The following CNTN4 variants were observed in gnomAD, a reference collection of about 807,000 sequenced individuals.
CNTN4 encodes contactin 4.
In CNTN4, 77 loss-of-function variants were observed where a neutral mutation model predicts 122.5. The ratio of observed to expected loss-of-function variants is 0.63; its 90% CI spans 0.52 to 0.76. The LOEUF is 0.76. Ranked by LOEUF, CNTN4 falls within the 30% of genes least tolerant of loss-of-function variation. The pLI, the probability that CNTN4 is intolerant of heterozygous loss-of-function variation, is 0.00. For synonymous variants in CNTN4, 512 were observed against 447.0 expected, an observed-to-expected ratio of 1.15 and a Z score of -1.83; for missense variants, 1,256 against 1,259.1, an observed-to-expected ratio of 1.00 and a Z score of 0.04.
At chr3:2,778,253 TA>T (rs1049039662) in intron 6 of CNTN4, among the ~76,000 whole-genome samples, 53 of 149,714 alleles carry the variant, frequency 3.5e-4, no homozygotes, top group Non-Finnish European at 6.7e-4. Context: ...AATAAATAAA[TA>T]AAATAAAGAA....
intron 2 of CNTN4, among the ~76,000 whole-genome samples, chr3:2,137,496 G>A (rs80215517): frequency 0.2 from 30,123 of 151,958 alleles, 3,665 homozygotes; most frequent in Admixed American, 0.31. Flanking sequence ...TAATTTGGGG[G>A]TGGGGGGATT....
At chr3:2,880,342 G>A (rs953817050) in intron 8 of CNTN4, among the ~76,000 whole-genome samples, 4 of 152,156 alleles carry the variant, frequency 2.6e-5, no homozygotes, top group South Asian at 2.1e-4. Context: ...CTGGGAAGAC[G>A]AAAGACCTCC....
intron 2 of CNTN4, among the ~76,000 whole-genome samples, chr3:2,177,990 C>T (rs2036832187): frequency 6.6e-6 from 1 of 151,852 alleles, no homozygotes; most frequent in South Asian, 2.1e-4. Flanking sequence ...ATTCCATATT[C>T]CTAAATTTGA....
chr3:3,028,569 A>T (rs930716200), intron 15 of CNTN4, among the ~76,000 whole-genome samples: 1 of 152,174 alleles, frequency 6.6e-6, no homozygotes, highest in Non-Finnish European at 1.5e-5. Context: ...TAAGCCCTTC[A>T]TGAATAAAGT....
At chr3:3,002,191 T>G (rs187458638) in intron 14 of CNTN4, among the ~76,000 whole-genome samples, 1 of 152,338 alleles carries the variant, frequency 6.6e-6, no homozygotes, top group East Asian at 1.9e-4. Flanking sequence ...ATGAATATTT[T>G]TAATTGATTC....
intron 6 of CNTN4, among the ~76,000 whole-genome samples, chr3:2,794,143 A>T (rs2092096815): frequency 6.6e-6 from 1 of 152,200 alleles, no homozygotes; most frequent in Non-Finnish European, 1.5e-5. Flanking sequence ...AAATAATGAA[A>T]ACCATGTGCC....
intron 13 of CNTN4, among the ~76,000 whole-genome samples, chr3:2,941,635 C>A (rs1021331549): frequency 1.3e-5 from 2 of 152,162 alleles, no homozygotes; most frequent in African/African-American, 2.4e-5. Flanking sequence ...GCCCAACCAC[C>A]CTCATTTCTT....
intron 14 of CNTN4, among the ~76,000 whole-genome samples, chr3:2,989,686 T>C (rs898343023): frequency 6.6e-6 from 1 of 152,232 alleles, no homozygotes; most frequent in Non-Finnish European, 1.5e-5. Flanking sequence ...TATTAATTAC[T>C]TCCTCAGAGC....
chr3:2,762,677 T>G (rs930848788), intron 6 of CNTN4, among the ~76,000 whole-genome samples: 1 of 152,168 alleles, frequency 6.6e-6, no homozygotes, highest in Non-Finnish European at 1.5e-5. Context: ...TTTATATTCC[T>G]TTGGGTATAT....
chr3:2,632,649 C>T (rs980668068), intron 4 of CNTN4, among the ~76,000 whole-genome samples: 3 of 152,070 alleles, frequency 2.0e-5, no homozygotes, highest in African/African-American at 7.2e-5. Flanking sequence ...TTAAATTCAC[C>T]AATGGTGCCA....
intron 3 of CNTN4, among the ~76,000 whole-genome samples, chr3:2,453,367 C>A (rs1361908627): frequency 6.6e-6 from 1 of 152,018 alleles, no homozygotes; most frequent in African/African-American, 2.4e-5. Context: ...AACCCTAAAA[C>A]TCAAAAGACA....
chr3:2,144,378 C>T (rs2035144948), intron 2 of CNTN4: 1 of 152,158 alleles, frequency 6.6e-6, no homozygotes, highest in South Asian at 2.1e-4. Context: ...ATAAATCACT[C>T]CCACTGATAG....
chr3:2,821,908 GT>G (rs1418207685), intron 7 of CNTN4, among the ~76,000 whole-genome samples: 2 of 152,150 alleles, frequency 1.3e-5, no homozygotes, highest in African/African-American at 4.8e-5. Context: ...GAAAAACACT[GT>G]TTTATTTTTG....
chr3:2,894,997 T>A (rs1457292182), intron 10 of CNTN4, among the ~76,000 whole-genome samples: 1 of 152,150 alleles, frequency 6.6e-6, no homozygotes, highest in African/African-American at 2.4e-5. Flanking sequence ...TTTTCATTTA[T>A]GTATTTGTTA....
rs546603397 is a variant in CNTN4, at chr3:2,603,407, C to T, written c.55+31849C>T. On this transcript the variant is annotated intron_variant, in intron 4 of 24. Transcript: ENST00000418658. ...TAACATTATGGAAGTCCTGGTTTAT[C>T]GGTATTTTTCTGTGGTGAGAGAAGC... Among the ~76,000 whole-genome samples, 40 of 152,142 alleles carry T rather than the reference C, an allele frequency of 2.6e-4. No homozygotes were observed. The South Asian group carries it at 7.3e-3, about 28-fold the overall frequency.
chr3:2,413,711 T>A (rs1377258100), intron 3 of CNTN4, among the ~76,000 whole-genome samples: 1 of 152,100 alleles, frequency 6.6e-6, no homozygotes, highest in Non-Finnish European at 1.5e-5. Context: ...ACACAGCTAA[T>A]TTTTGTATTT....
intron 13 of CNTN4, among the ~76,000 whole-genome samples, chr3:2,980,736 A>G (rs1693882083): frequency 6.6e-6 from 1 of 152,184 alleles, no homozygotes; most frequent in Admixed American, 6.5e-5. Context: ...TGCAAGAGAG[A>G]GGAACATTCA....
intron 4 of CNTN4, among the ~76,000 whole-genome samples, chr3:2,718,896 A>G (rs906390981): frequency 3.3e-5 from 5 of 152,118 alleles, no homozygotes; most frequent in African/African-American, 1.2e-4. Context: ...TGGATCAGGG[A>G]TTTTTAACCT....
At chr3:2,939,247 G>T (rs551573848) in intron 13 of CNTN4, among the ~76,000 whole-genome samples, 1 of 152,126 alleles carries the variant, frequency 6.6e-6, no homozygotes, top group African/African-American at 2.4e-5. Context: ...AGCAACACTT[G>T]GCTTTCTATA....
Sources: allele counts gnomAD v4.1 joint callset (sites outside exome capture counted in the v4.1 genomes callset), GRCh38; gene constraint gnomAD v4.1.1; transcripts MANE v1.5; gene names NCBI Gene and HGNC (gene_info 2026-07-23, HGNC 2026-07-21).